Variants in RIT2 observed in about 807,000 individuals in gnomAD.
The protein encoded by RIT2 is GTP-binding protein Rit2.
A neutral mutation model predicts 23.7 loss-of-function variants in RIT2; 24 were observed. The observed-to-expected ratio is 1.01, with a 90% CI of 0.73 to 1.43. RIT2 has a LOEUF of 1.43. Ranked by LOEUF, RIT2 falls within the 40% of genes most tolerant of loss-of-function variation. RIT2 has a pLI of 0.00. For missense variants in RIT2, 236 were observed against 266.9 expected, an observed-to-expected ratio of 0.88 and a Z score of 0.81; for synonymous variants, 107 against 91.1, an observed-to-expected ratio of 1.17 and a Z score of -0.99.
At chr18:43,078,697 A>T (rs1183156068) in intron 1 of RIT2, among the ~76,000 whole-genome samples, 1 of 151,856 alleles carries the variant, frequency 6.6e-6, no homozygotes, top group Non-Finnish European at 1.5e-5. Flanking sequence ...AGAATCCCAG[A>T]CTCCCGCTTC....
chr18:43,108,364 G>A (rs528818854), intron 1 of RIT2, among the ~76,000 whole-genome samples: 2 of 152,062 alleles, frequency 1.3e-5, no homozygotes, highest in South Asian at 4.2e-4. Flanking sequence ...GTGTGTGTGT[G>A]TGTGTGTACC....
intron 4 of RIT2, among the ~76,000 whole-genome samples, chr18:42,844,853 T>C (rs1397427406): frequency 2.0e-5 from 3 of 152,136 alleles, no homozygotes; most frequent in Admixed American, 2.0e-4. Context: ...CTGCCTAGAA[T>C]TTCTCTGCCT....
chr18:42,930,049 C>T (rs949799062), intron 3 of RIT2, among the ~76,000 whole-genome samples: 3 of 152,096 alleles, frequency 2.0e-5, no homozygotes, highest in Non-Finnish European at 4.4e-5. Flanking sequence ...AACAATGCTA[C>T]AGAAAGAGGC....
intron 1 of RIT2, among the ~76,000 whole-genome samples, chr18:43,065,218 GTTTTTTTTTTTTT>G (rs58941113): frequency 1.2e-5 from 1 of 81,648 alleles, no homozygotes; most frequent in African/African-American, 4.4e-5. Context: ...ACTTTTTTGG[GTTTTTTTTTTTTT>G]TTTTTTTTTT....
At chr18:42,952,853 AC>A (rs1438347422) in intron 3 of RIT2, among the ~76,000 whole-genome samples, 4 of 151,964 alleles carry the variant, frequency 2.6e-5, no homozygotes, top group Non-Finnish European at 5.9e-5. Flanking sequence ...TATATCTATC[AC>A]TGAGAACAAG....
At chr18:42,874,164 C>T (rs1030346999) in intron 4 of RIT2, among the ~76,000 whole-genome samples, 8 of 152,170 alleles carry the variant, frequency 5.3e-5, no homozygotes, top group Middle Eastern at 3.4e-3. Flanking sequence ...GCTAAGCTTA[C>T]GTTAGAATAT....
intron 3 of RIT2, among the ~76,000 whole-genome samples, chr18:42,951,290 A>G (rs974251817): frequency 1.3e-5 from 2 of 152,104 alleles, no homozygotes; most frequent in African/African-American, 4.8e-5. Context: ...AAAAGGGTGC[A>G]GCTGGAGGCC....
chr18:42,960,255 G>A (rs1209229007), intron 3 of RIT2, among the ~76,000 whole-genome samples: 1 of 152,100 alleles, frequency 6.6e-6, no homozygotes, highest in Non-Finnish European at 1.5e-5. Context: ...GTAAACTTGA[G>A]AAGATTTGGA....
intron 4 of RIT2, among the ~76,000 whole-genome samples, chr18:42,786,783 T>C (rs572114014): frequency 1.3e-4 from 20 of 152,230 alleles, no homozygotes; most frequent in African/African-American, 4.8e-4. Context: ...GAAAAACCCA[T>C]CACCTTTCTT....
chr18:42,779,657 T>C (rs1913759988), intron 4 of RIT2, among the ~76,000 whole-genome samples: 1 of 152,226 alleles, frequency 6.6e-6, no homozygotes, highest in African/African-American at 2.4e-5. Flanking sequence ...ATTCTCATCC[T>C]ACAGCTCGCA....
intron 4 of RIT2, among the ~76,000 whole-genome samples, chr18:42,756,450 AG>A (rs576605839): frequency 1.6e-3 from 244 of 152,272 alleles, no homozygotes; most frequent in Admixed American, 2.6e-3. Flanking sequence ...TCTGGTGTGC[AG>A]GGGGGAAAGG....
chr18:42,766,542 G>A (rs1348457870), intron 4 of RIT2, among the ~76,000 whole-genome samples: 1 of 152,184 alleles, frequency 6.6e-6, no homozygotes, highest in East Asian at 1.9e-4. Flanking sequence ...GGAAAGCAGA[G>A]CATAAAAGTT....
At chr18:43,044,502 C>T (rs1006918976) in intron 1 of RIT2, among the ~76,000 whole-genome samples, 5 of 152,136 alleles carry the variant, frequency 3.3e-5, no homozygotes, top group Admixed American at 2.0e-4. Flanking sequence ...ACCTATACTT[C>T]CCAGAGTCAG....
intron 2 of RIT2, among the ~76,000 whole-genome samples, chr18:43,029,467 A>G (rs1911804772): frequency 6.6e-6 from 1 of 152,042 alleles, no homozygotes; most frequent in African/African-American, 2.4e-5. Flanking sequence ...AGGGAAAGCA[A>G]CCCTAAGAAA....
chr18:42,825,469 G>A (rs1906269519), intron 4 of RIT2, among the ~76,000 whole-genome samples: 1 of 151,700 alleles, frequency 6.6e-6, no homozygotes, highest in African/African-American at 2.4e-5. Context: ...CATCCATAAT[G>A]TCCCCCAAAA....
chr18:42,949,556 G>T (rs907963193), intron 3 of RIT2, among the ~76,000 whole-genome samples: 3 of 152,080 alleles, frequency 2.0e-5, no homozygotes, highest in African/African-American at 7.2e-5. Context: ...ATGTTGTGAT[G>T]GCCTTTGTGC....
At chr18:42,828,040 A>T (rs1906353302) in intron 4 of RIT2, among the ~76,000 whole-genome samples, 1 of 151,590 alleles carries the variant, frequency 6.6e-6, no homozygotes, top group Admixed American at 6.6e-5. Flanking sequence ...AAAATGTAAA[A>T]TAAAAACCAC....
At chr18:42,928,682 G>A (rs1451628486) in intron 3 of RIT2, among the ~76,000 whole-genome samples, 1 of 151,918 alleles carries the variant, frequency 6.6e-6, no homozygotes. Context: ...CAAAAGGATT[G>A]CAATAAGTAG....
At chr18:42,920,094 C>T (rs780136574) in intron 4 of RIT2, among the ~76,000 whole-genome samples, 6 of 152,128 alleles carry the variant, frequency 3.9e-5, no homozygotes, top group Non-Finnish European at 8.8e-5. Context: ...TGGGCTACTA[C>T]TGGCTTATCC....
Sources: allele counts gnomAD v4.1 joint callset (sites outside exome capture counted in the v4.1 genomes callset), GRCh38; gene constraint gnomAD v4.1.1; transcripts MANE v1.5; gene names NCBI Gene and HGNC (gene_info 2026-07-23, HGNC 2026-07-21).